Variants in LRRC69 observed in about 807,000 individuals in gnomAD.
LRRC69 encodes leucine-rich repeat-containing protein 69.
A neutral mutation model predicts 37.8 loss-of-function variants in LRRC69; 42 were observed. The ratio of observed to expected loss-of-function variants is 1.11; its 90% CI spans 0.87 to 1.44. The LOEUF is 1.44. Among genes scored for constraint, LRRC69 ranks in the 40% most tolerant of loss-of-function variants. The pLI is 0.00. For missense variants in LRRC69, 357 were observed against 401.9 expected (o/e 0.89, Z 0.96); for synonymous variants, 141 against 143.1 (o/e 0.99, Z 0.11).
intron 5 of LRRC69, among the ~76,000 whole-genome samples, chr8:91,178,537 T>C (rs900855306): frequency 6.6e-5 from 10 of 152,228 alleles, no homozygotes; most frequent in Admixed American, 3.3e-4. Flanking sequence ...TTTGCTTTTA[T>C]CTTCTGTTTC....
At position 91,200,689 on chromosome 8, in the gene LRRC69, C is replaced by T. The variant is rs765563268; in HGVS notation, c.830C>T (p.Pro277Leu). ...CTAATGGATGACATAGAACGGTACC[C>T]ACAAGTCAGGAGCATGATCTCTCAG... The change falls in exon 7 of 8, where the codon CCA (proline) becomes CTA (leucine). Residue 277 changes from proline to leucine, a missense_variant. Transcript: ENST00000448384. 2.6e-6 allele frequency: 4 copies of T among 1,526,008 alleles called. No homozygotes were observed. The South Asian group carries it at 5.1e-5, about 19-fold the overall frequency. The allele number at this position is 1,526,008 out of a possible 1,614,324, so 94.5% of individuals were successfully genotyped here.
intron 1 of LRRC69, among the ~76,000 whole-genome samples, chr8:91,112,213 G>T (rs1462521725): frequency 6.6e-6 from 1 of 151,918 alleles, no homozygotes; most frequent in Non-Finnish European, 1.5e-5. Context: ...TGTGACCTGG[G>T]ACCTCAAAGC....
intron 1 of LRRC69, among the ~76,000 whole-genome samples, chr8:91,109,506 A>G (rs1813375196): frequency 6.6e-6 from 1 of 152,082 alleles, no homozygotes; most frequent in Non-Finnish European, 1.5e-5. Flanking sequence ...ATGTCATTTT[A>G]ATTGAATGTT....
chr8:91,114,441 G>GTA (rs1156612528), intron 1 of LRRC69, among the ~76,000 whole-genome samples: 2 of 109,700 alleles, frequency 1.8e-5, no homozygotes, highest in African/African-American at 4.2e-5. Flanking sequence ...AAATGTTTGT[G>GTA]TATGTGTGTG....
At chr8:91,141,533 T>A (rs1440522821) in intron 5 of LRRC69, among the ~76,000 whole-genome samples, 3 of 152,112 alleles carry the variant, frequency 2.0e-5, no homozygotes, top group Non-Finnish European at 4.4e-5. Flanking sequence ...GAGGTTTATA[T>A]GACTTTCCAA....
At chr8:91,197,565 G>C (rs1220677344) in intron 6 of LRRC69, among the ~76,000 whole-genome samples, 4 of 151,992 alleles carry the variant, frequency 2.6e-5, no homozygotes, top group Non-Finnish European at 4.4e-5. Context: ...TTTTAAGCCC[G>C]TCGGAAAAGC....
intron 5 of LRRC69, among the ~76,000 whole-genome samples, chr8:91,136,201 G>A (rs531572597): frequency 6.6e-6 from 1 of 151,916 alleles, no homozygotes; most frequent in East Asian, 1.9e-4. Flanking sequence ...TGGAGAAACC[G>A]TTTGTCTTGG....
At chr8:91,109,521 T>C (rs1432413651) in intron 1 of LRRC69, among the ~76,000 whole-genome samples, 1 of 152,126 alleles carries the variant, frequency 6.6e-6, no homozygotes. Flanking sequence ...AATGTTAAAA[T>C]TTTACATTTT....
intron 5 of LRRC69, among the ~76,000 whole-genome samples, chr8:91,167,860 T>A (rs1169868629): frequency 6.6e-6 from 1 of 151,970 alleles, no homozygotes; most frequent in South Asian, 2.1e-4. Flanking sequence ...TGTTCCCTTT[T>A]TGGTGATAGA....
intron 5 of LRRC69, among the ~76,000 whole-genome samples, chr8:91,139,473 C>G (rs1808492814): frequency 6.6e-6 from 1 of 151,364 alleles, no homozygotes; most frequent in Admixed American, 6.6e-5. Flanking sequence ...CGGAGTTTCT[C>G]CATGTTGGTC....
At chr8:91,218,281 A>G (rs1810091774) in intron 7 of LRRC69, among the ~76,000 whole-genome samples, 2 of 152,170 alleles carry the variant, frequency 1.3e-5, no homozygotes, top group South Asian at 4.1e-4. Flanking sequence ...TGAGGTTACC[A>G]TTATTTCAAA....
chr8:91,163,129 C>A (rs935207222), intron 5 of LRRC69, among the ~76,000 whole-genome samples: 1 of 151,296 alleles, frequency 6.6e-6, no homozygotes, highest in African/African-American at 2.4e-5. Context: ...CAGATATCAA[C>A]TCCTCAGGAG....
chr8:91,167,948 A>T (rs567776778), intron 5 of LRRC69, among the ~76,000 whole-genome samples: 2 of 151,950 alleles, frequency 1.3e-5, no homozygotes, highest in South Asian at 4.1e-4. Context: ...CCAAGTCTCA[A>T]TTTCCTTATT....
intron 6 of LRRC69, among the ~76,000 whole-genome samples, chr8:91,193,160 A>C: frequency 1.6e-5 from 2 of 127,814 alleles, no homozygotes; most frequent in Non-Finnish European, 3.4e-5. Context: ...ATAGTTGTAG[A>C]TATGCGGCGT....
At chr8:91,163,373 G>A (rs1808978329) in intron 5 of LRRC69, among the ~76,000 whole-genome samples, 1 of 151,228 alleles carries the variant, frequency 6.6e-6, no homozygotes, top group Non-Finnish European at 1.5e-5. Flanking sequence ...AGCAGTCCTT[G>A]GCAAATAATA....
chr8:91,185,188 A>G (rs1367185420), intron 5 of LRRC69, among the ~76,000 whole-genome samples: 3 of 152,154 alleles, frequency 2.0e-5, no homozygotes, highest in Non-Finnish European at 4.4e-5. Flanking sequence ...AGTTATTTCT[A>G]TGCTGATGTC....
intron 1 of LRRC69, chr8:91,118,485 T>C (rs960277387): frequency 6.8e-6 from 2 of 295,712 alleles, no homozygotes; most frequent in Non-Finnish European, 1.3e-5. Flanking sequence ...GCCGAGATCA[T>C]GCCAATGCAC....
rs540850104 is a variant in LRRC69, at chr8:91,193,248, T to TA, written c.753+3626dup. Among the ~76,000 whole-genome samples, 241 of 134,470 alleles carry TA rather than the reference T, an allele frequency of 1.8e-3. 1 individual carries two copies. Among genetic ancestry groups the TA allele is most frequent in the African/African-American group, 6.2e-3 (219 of 35,440 alleles). 88.2% of individuals were successfully genotyped at this position (134,470 alleles called of 152,430 possible). On this transcript the variant is annotated intron_variant, in intron 6 of 7. Coordinates refer to ENST00000448384, the Ensembl canonical transcript of LRRC69. ...CAGTACCATGCTGTTTTGGTTACTG[T>TA]AGCCTTGTAGTATAGTTTGAAGTCA...
At chr8:91,135,647 C>T in intron 4 of LRRC69, 21 bp from the exon 5 acceptor site, 1 of 1,379,570 alleles carries the variant, frequency 7.2e-7, no homozygotes, top group Non-Finnish European at 9.7e-7. Flanking sequence ...AAAAATCTCT[C>T]TCTTCTGTTT....
Sources: gnomAD v4.1 joint callset for allele counts (sites outside exome capture counted in the v4.1 genomes callset) on GRCh38, gnomAD v4.1.1 for gene constraint, MANE v1.5 for transcripts, NCBI Gene and HGNC (gene_info 2026-07-23, HGNC 2026-07-21) for gene names.